CNTNAP5: variants seen among roughly 807,000 people sequenced by gnomAD.
The protein encoded by CNTNAP5 is contactin associated protein family member 5, also known as contactin-associated protein-like 5.
A neutral mutation model predicts 150.2 loss-of-function variants in CNTNAP5; 72 were observed. That is an observed-to-expected ratio of 0.48 (90% confidence interval 0.40 to 0.58). The LOEUF (loss-of-function observed/expected upper bound fraction) is 0.58, where lower values mean the gene tolerates loss of function less well. Among genes scored for constraint, CNTNAP5 ranks in the 20% least tolerant of loss-of-function variants. CNTNAP5 has a pLI of 0.00. For missense variants in CNTNAP5, 1,636 were observed against 1,626.2 expected (o/e 1.01, Z -0.10); for synonymous variants, 672 against 619.8 (o/e 1.08, Z -1.25).
intron 13 of CNTNAP5, among the ~76,000 whole-genome samples, chr2:124,655,481 A>G (rs1678423849): frequency 6.6e-6 from 1 of 151,996 alleles, no homozygotes; most frequent in Admixed American, 6.6e-5. Context: ...TTATAGCAGA[A>G]TGATTTATAA....
intron 1 of CNTNAP5, among the ~76,000 whole-genome samples, chr2:124,106,029 A>C (rs1558757453): frequency 6.6e-6 from 1 of 152,068 alleles, no homozygotes; most frequent in South Asian, 2.1e-4. Context: ...ATGGAAAAGG[A>C]GAATTGAAAT....
chr2:124,449,653 G>A (rs1224281403), intron 6 of CNTNAP5, among the ~76,000 whole-genome samples: 1 of 152,156 alleles, frequency 6.6e-6, no homozygotes, highest in Non-Finnish European at 1.5e-5. Flanking sequence ...GGATGTCTTG[G>A]TGCTTTATAA....
chr2:124,742,508 T>C (rs1680516533), intron 13 of CNTNAP5, among the ~76,000 whole-genome samples: 1 of 152,064 alleles, frequency 6.6e-6, no homozygotes, highest in Admixed American at 6.6e-5. Flanking sequence ...AGTATTATTA[T>C]TGTGTGGCAG....
At chr2:124,494,436 C>T (rs187729048) in intron 7 of CNTNAP5, among the ~76,000 whole-genome samples, 145 of 152,216 alleles carry the variant, frequency 9.5e-4, no homozygotes, top group Non-Finnish European at 1.6e-3. Flanking sequence ...TCTCTCTAGG[C>T]CCCTAGCAGG....
chr2:124,086,270 C>CTTTGTTTTTAAAAGTTTA lies in CNTNAP5; in HGVS notation c.82+60538_82+60539insTTTGTTTTTAAAAGTTTA, dbSNP rs1558750250. 1.1e-3 allele frequency among the ~76,000 whole-genome samples: 152 copies of CTTTGTTTTTAAAAGTTTA among 138,924 alleles called. 1 individual carries two copies. The highest frequency in any genetic ancestry group is 4.0e-3 in the African/African-American group (144 of 35,770). 91.1% of individuals were successfully genotyped at this position (138,924 alleles called of 152,430 possible). ...GGAGTGCAGTGGCGCCATCTCGGCTCATTGCAAGCTCCGCCTCCCGGCTCC... is the reference window on the plus strand; with the variant it reads ...GGAGTGCAGTGGCGCCATCTCGGCTCTTTGTTTTTAAAAGTTTAATTGCAAGCTCCGCCTCCCGGCTCC... On this transcript the variant is annotated intron_variant, in intron 1 of 23. Transcript: ENST00000682447.
chr2:124,548,742 CAGTT>C (rs1202177733), intron 10 of CNTNAP5, among the ~76,000 whole-genome samples: 1 of 152,180 alleles, frequency 6.6e-6, no homozygotes, highest in African/African-American at 2.4e-5. Context: ...CAAGAGTTCA[CAGTT>C]ACTTACATTT....
At chr2:124,829,295 C>T (rs1682664997) in intron 19 of CNTNAP5, among the ~76,000 whole-genome samples, 1 of 152,096 alleles carries the variant, frequency 6.6e-6, no homozygotes, top group Admixed American at 6.6e-5. Context: ...GATCATAAAT[C>T]AACTGTCTGG....
At chr2:124,798,351 T>G (rs752382925) in intron 19 of CNTNAP5, 31 bp downstream of exon 19, 1 of 1,521,380 alleles carries the variant, frequency 6.6e-7, no homozygotes, top group Non-Finnish European at 9.1e-7. Flanking sequence ...CCCAGCGGAG[T>G]CTCAGCCTGG....
At chr2:124,806,638 T>G (rs1682086801) in intron 19 of CNTNAP5, among the ~76,000 whole-genome samples, 1 of 152,238 alleles carries the variant, frequency 6.6e-6, no homozygotes, top group African/African-American at 2.4e-5. Flanking sequence ...TGCTTACAGC[T>G]GTACTGTGAG....
chr2:124,350,545 T>G (rs576002748), intron 3 of CNTNAP5, among the ~76,000 whole-genome samples: 1 of 151,920 alleles, frequency 6.6e-6, no homozygotes, highest in Non-Finnish European at 1.5e-5. Context: ...ATAAATTTAC[T>G]CAAATATAAA....
At chr2:124,776,900 C>A (rs1435285066) in intron 17 of CNTNAP5, among the ~76,000 whole-genome samples, 1 of 152,010 alleles carries the variant, frequency 6.6e-6, no homozygotes, top group African/African-American at 2.4e-5. Context: ...ACTATTCCCC[C>A]ATAAAAGTGT....
chr2:124,236,376 C>T (rs1331993970), intron 2 of CNTNAP5, among the ~76,000 whole-genome samples: 1 of 152,180 alleles, frequency 6.6e-6, no homozygotes, highest in East Asian at 1.9e-4. Context: ...TGCCCAGGAG[C>T]AGAAAGATTA....
chr2:124,628,309 C>T (rs1316642690), intron 12 of CNTNAP5, among the ~76,000 whole-genome samples: 2 of 152,038 alleles, frequency 1.3e-5, no homozygotes, highest in Non-Finnish European at 2.9e-5. Flanking sequence ...TAAGAGCAGC[C>T]AGAGAGAAAG....
intron 1 of CNTNAP5, among the ~76,000 whole-genome samples, chr2:124,079,132 G>C (rs954063396): frequency 6.6e-6 from 1 of 152,182 alleles, no homozygotes; most frequent in Non-Finnish European, 1.5e-5. Flanking sequence ...GAAGTCATAA[G>C]TAGGACAAAG....
intron 13 of CNTNAP5, among the ~76,000 whole-genome samples, chr2:124,707,185 A>T (rs901479848): frequency 6.1e-5 from 9 of 148,432 alleles, no homozygotes; most frequent in Non-Finnish European, 7.5e-5. Flanking sequence ...AAGAAGAAGA[A>T]GAAGAAGAAG....
chr2:124,294,711 G>A (rs974628013), intron 3 of CNTNAP5, among the ~76,000 whole-genome samples: 7 of 152,212 alleles, frequency 4.6e-5, no homozygotes, highest in African/African-American at 1.4e-4. Context: ...GAAGTTTTTA[G>A]ACTAAAGTAA....
At chr2:124,110,974 C>T (rs1456032533) in intron 1 of CNTNAP5, among the ~76,000 whole-genome samples, 1 of 152,102 alleles carries the variant, frequency 6.6e-6, no homozygotes, top group African/African-American at 2.4e-5. Flanking sequence ...CCTCTGATCT[C>T]CCATGATCTC....
chr2:124,846,029 T>C (rs998539798), intron 19 of CNTNAP5, among the ~76,000 whole-genome samples: 2 of 152,100 alleles, frequency 1.3e-5, no homozygotes, highest in Non-Finnish European at 2.9e-5. Context: ...ATCTTTGTTA[T>C]TTCTTTTCTT....
chr2:124,872,198 G>A (rs1677762847), intron 21 of CNTNAP5, among the ~76,000 whole-genome samples: 3 of 151,990 alleles, frequency 2.0e-5, no homozygotes, highest in African/African-American at 4.8e-5. Context: ...TATTAATAAA[G>A]ATAATTTGTT....
Sources: allele counts gnomAD v4.1 joint callset (sites outside exome capture counted in the v4.1 genomes callset), GRCh38; gene constraint gnomAD v4.1.1; transcripts MANE v1.5; gene names NCBI Gene and HGNC (gene_info 2026-07-23, HGNC 2026-07-21).